The following GPRC5A variants were observed in gnomAD, a reference collection of about 807,000 sequenced individuals.
The protein encoded by GPRC5A is retinoic acid-induced protein 3.
In GPRC5A, 19 loss-of-function variants were observed where a neutral mutation model predicts 22.5. The ratio of observed to expected loss-of-function variants is 0.85; its 90% CI spans 0.59 to 1.24. The LOEUF is 1.24. Among genes scored for constraint, GPRC5A ranks in the 50% most tolerant of loss-of-function variants. The pLI, the probability that GPRC5A is intolerant of heterozygous loss-of-function variation, is 0.00. For synonymous variants in GPRC5A, 192 were observed against 184.5 expected (o/e 1.04, Z -0.33); for missense variants, 471 against 451.1 (o/e 1.04, Z -0.40).
Position 12,908,786 on chromosome 12 carries a change from C to T in GPRC5A, c.537C>T (p.Leu179=), listed in dbSNP as rs1461304333. ...CTCGTCGCAATGAAGACTTTGTCCTCCTGCTCACCTACGTCCTCTTCTTGA... is the reference window on the plus strand; with the variant it reads ...CTCGTCGCAATGAAGACTTTGTCCTTCTGCTCACCTACGTCCTCTTCTTGA... ...SAPRRNEDFV[L]LLTYVLFLMA... Residue 179 remains leucine, a synonymous_variant, in exon 2 of 4, where the codon CTC becomes CTT. Transcript: ENST00000014914. 6.2e-7 allele frequency: 1 copy of T among 1,614,220 alleles called. No individual in the cohort carries two copies. The highest frequency in any genetic ancestry group is 2.2e-5 in the East Asian group (1 of 44,878).
At chr12:12,901,154 G>T (rs907190409) in intron 1 of GPRC5A, among the ~76,000 whole-genome samples, 3 of 152,090 alleles carry the variant, frequency 2.0e-5, no homozygotes, top group Non-Finnish European at 4.4e-5. Flanking sequence ...AAGGCCAGAG[G>T]CTACTCATGC....
rs1373877669 is a variant in GPRC5A, at chr12:12,914,664, G to A, written c.*2125G>A. 1 of 150,100 alleles carries A rather than the reference G, an allele frequency of 6.7e-6. No individual in the cohort carries two copies. Among genetic ancestry groups the A allele is most frequent in the Non-Finnish European group, 1.5e-5 (1 of 67,880 alleles). 9.3% of individuals were successfully genotyped at this position (150,100 alleles called of 1,614,324 possible). A position where few individuals can be genotyped will look rare whatever the true frequency, so the allele number is the denominator to read the frequency against. On this transcript the variant is annotated 3_prime_UTR_variant, in exon 4 of 4. Coordinates refer to ENST00000014914, the MANE Select transcript of GPRC5A (RefSeq NM_003979.4). ...AGAGTCTCACTCTGTCATCCAGGCT[G>A]GAGTGCAGTGGCATGATCTCAGCTC...
At chr12:12,893,454 G>A (rs1863785928) in intron 1 of GPRC5A, among the ~76,000 whole-genome samples, 1 of 152,210 alleles carries the variant, frequency 6.6e-6, no homozygotes, top group Non-Finnish European at 1.5e-5. Context: ...AAATTGAGGA[G>A]TATTTTTGCT....
chr12:12,908,124 T>C, intron 1 of GPRC5A, 119 bp from the exon 2 acceptor site: 1 of 663,778 alleles, frequency 1.5e-6, no homozygotes, highest in South Asian at 2.1e-5. Context: ...AAGCTCAAAG[T>C]CAAAACCCTG....
rs907947918 is a variant in GPRC5A, at chr12:12,916,823, C to G, written c.*4284C>G. 6.6e-6 allele frequency: 1 copy of G among 152,264 alleles called. No individual in the cohort carries two copies. Among genetic ancestry groups the G allele is most frequent in the South Asian group, 2.1e-4 (1 of 4,826 alleles). 9.4% of individuals were successfully genotyped at this position (152,264 alleles called of 1,614,324 possible). ...AAGAGTACGGCCGGCCCTGGAAATG[C>G]ATCAGCAAAACCCATTTCCCCCGTG... On this transcript the variant is annotated 3_prime_UTR_variant, in exon 4 of 4. Transcript: ENST00000014914.
chr12:12,912,150 A>AT lies in GPRC5A; in HGVS notation c.981+15dup, dbSNP rs769011846. On this transcript the variant is annotated intron_variant, in intron 3 of 3. Transcript: ENST00000014914. ...ACACATTTTCAGCTGCAGGTAAGTGATTTTTTTCTCCCTCTTCATCAAAGG... is the reference window on the plus strand; with the variant it reads ...ACACATTTTCAGCTGCAGGTAAGTGATTTTTTTTCTCCCTCTTCATCAAAGG... 19 of 1,596,852 alleles carry AT rather than the reference A, an allele frequency of 1.2e-5. No individual in the cohort carries two copies. The South Asian group carries it at 1.3e-4, about 11-fold the overall frequency.
In GPRC5A at chr12:12,894,821, C is replaced by T. The variant is rs546054307; in HGVS notation, c.-8+3157C>T. On this transcript the variant is annotated intron_variant, in intron 1 of 3. Coordinates refer to ENST00000014914, the MANE Select transcript of GPRC5A (RefSeq NM_003979.4). ...TGAGACAGAGTCTCGCTCTGTCACCCAGGCTGGGGTGCAGTGGTGCGATCA... is the reference window on the plus strand; with the variant it reads ...TGAGACAGAGTCTCGCTCTGTCACCTAGGCTGGGGTGCAGTGGTGCGATCA... Among the ~76,000 whole-genome samples the T allele has an allele frequency of 2.0e-3, 260 of 131,436 alleles. 1 individual carries two copies. The highest frequency in any genetic ancestry group is 6.8e-3 in the African/African-American group (246 of 36,128). 86.2% of individuals were successfully genotyped at this position (131,436 alleles called of 152,430 possible).
chr12:12,908,108 T>C, intron 1 of GPRC5A, 135 bp from the exon 2 acceptor site: 1 of 599,402 alleles, frequency 1.7e-6, no homozygotes, highest in South Asian at 2.3e-5. Context: ...CTTTACTTAA[T>C]GTAGTAAGCT....
At position 12,909,141 on chromosome 12, in the gene GPRC5A, A is replaced by G. The variant is rs1395000736; in HGVS notation, c.892A>G (p.Arg298Gly). ...GAAGAAGAGCTATGGTGTGGAGAACAGAGCCTACTCTCAAGAGGAAATCAC... is the reference window on the plus strand; with the variant it reads ...GAAGAAGAGCTATGGTGTGGAGAACGGAGCCTACTCTCAAGAGGAAATCAC... ...LVKKSYGVEN[R>G]AYSQEEITQG... The change falls in exon 2 of 4, where the codon AGA becomes GGA. Residue 298 changes from arginine to glycine, a missense_variant. Arg to Gly is a moderately radical substitution (Grantham distance 125). Transcript: ENST00000014914. 2 of 1,596,760 alleles carry G rather than the reference A, an allele frequency of 1.3e-6. No individual in the cohort carries two copies. The highest frequency in any genetic ancestry group is 2.2e-5 in the East Asian group (1 of 44,852).
At position 12,907,400 on chromosome 12, in the gene GPRC5A, C is replaced by CAAAAAAA. The variant is rs567033664; in HGVS notation, c.-7-834_-7-828dup. Reference sequence around the variant, plus strand: ...TGGGCGACAGAGCGAGACTCTGTCTCAAAAAAAAAAAAAAAGAGAGAGAAA... The same window carrying CAAAAAAA: ...TGGGCGACAGAGCGAGACTCTGTCTCAAAAAAAAAAAAAAAAAAAAAAGAGAGAGAAA... On this transcript the variant is annotated intron_variant, in intron 1 of 3. Coordinates refer to ENST00000014914, the MANE Select transcript of GPRC5A (RefSeq NM_003979.4). Among the ~76,000 whole-genome samples the CAAAAAAA allele has an allele frequency of 1.5e-3, 139 of 90,156 alleles. 6 individuals are homozygous for CAAAAAAA. The highest frequency in any genetic ancestry group is 4.8e-3 in the African/African-American group (113 of 23,374). 59.1% of individuals were successfully genotyped at this position (90,156 alleles called of 152,430 possible). A position where few individuals can be genotyped will look rare whatever the true frequency, so the allele number is the denominator to read the frequency against.
rs1035929586 is a variant in GPRC5A at position 12,914,509 on chromosome 12, C to A, written c.*1970C>A. On this transcript the variant is annotated 3_prime_UTR_variant, in exon 4 of 4. Coordinates refer to ENST00000014914, the MANE Select transcript of GPRC5A (RefSeq NM_003979.4). ...TAGGGACTCAAGAAATGCATATTCCCCCCCCACTTTCTTTCTCTCTTTCCT... is the reference window on the plus strand; with the variant it reads ...TAGGGACTCAAGAAATGCATATTCCACCCCCACTTTCTTTCTCTCTTTCCT... 3 of 151,058 alleles carry A rather than the reference C, an allele frequency of 2.0e-5. No homozygotes were observed. The highest frequency in any genetic ancestry group is 4.9e-5 in the African/African-American group (2 of 41,062). The allele number at this position is 151,058 out of a possible 1,614,324, so 9.4% of individuals were successfully genotyped here.
chr12:12,911,980 CA>C (rs1864009926), intron 2 of GPRC5A, 103 bp from the exon 3 acceptor site: 1 of 726,752 alleles, frequency 1.4e-6, no homozygotes, highest in Admixed American at 2.2e-5. Context: ...GCTGGAGAGA[CA>C]GGCAATTAAA....
At chr12:12,912,392 T>G (rs1864014300) in intron 3 of GPRC5A, 55 bp from the exon 4 acceptor site, 1 of 1,149,874 alleles carries the variant, frequency 8.7e-7, no homozygotes, top group Admixed American at 1.7e-5. Context: ...ACTGGAGACC[T>G]GTTGAAATGG....
chr12:12,898,549 A>G (rs1863847636), intron 1 of GPRC5A, among the ~76,000 whole-genome samples: 1 of 152,062 alleles, frequency 6.6e-6, no homozygotes, highest in Non-Finnish European at 1.5e-5. Flanking sequence ...AAAAAAAAAG[A>G]AAAAAGAAAG....
At position 12,914,514 on chromosome 12, in the gene GPRC5A, C is replaced by A. The variant is rs113165777; in HGVS notation, c.*1975C>A. On this transcript the variant is annotated 3_prime_UTR_variant, in exon 4 of 4. Coordinates refer to ENST00000014914, the MANE Select transcript of GPRC5A (RefSeq NM_003979.4). ...ACTCAAGAAATGCATATTCCCCCCC[C>A]ACTTTCTTTCTCTCTTTCCTTCCTT... is the stretch of plus-strand genomic sequence containing the variant. 2 of 150,960 alleles carry A rather than the reference C, an allele frequency of 1.3e-5. No homozygotes were observed. Among genetic ancestry groups the A allele is most frequent in the South Asian group, 2.1e-4 (1 of 4,752 alleles). 9.4% of individuals were successfully genotyped at this position (150,960 alleles called of 1,614,324 possible).
chr12:12,917,386 C>G lies in GPRC5A; in HGVS notation c.*4847C>G, dbSNP rs963318927. On this transcript the variant is annotated 3_prime_UTR_variant, in exon 4 of 4. Coordinates refer to ENST00000014914, the MANE Select transcript of GPRC5A (RefSeq NM_003979.4). ...GGTCACAGAAATCCTCTAGTTGGTG[C>G]CTCCACAGTCTTCATTTTACAGAGG... 3.3e-5 allele frequency: 5 copies of G among 152,074 alleles called. No homozygotes were observed. The highest frequency in any genetic ancestry group is 7.3e-5 in the Non-Finnish European group (5 of 68,034). 9.4% of individuals were successfully genotyped at this position (152,074 alleles called of 1,614,324 possible).
chr12:12,896,405 G>C (rs1270071190), intron 1 of GPRC5A, among the ~76,000 whole-genome samples: 1 of 152,168 alleles, frequency 6.6e-6, no homozygotes, highest in African/African-American at 2.4e-5. Flanking sequence ...TCAGAGTTGG[G>C]ATGGCTACCC....
intron 1 of GPRC5A, among the ~76,000 whole-genome samples, chr12:12,903,128 G>A (rs1863907050): frequency 6.6e-6 from 1 of 152,142 alleles, no homozygotes; most frequent in African/African-American, 2.4e-5. Context: ...ATTACATGAT[G>A]TCTGAGACTT....
chr12:12,892,999 C>G (rs192258594), intron 1 of GPRC5A, among the ~76,000 whole-genome samples: 1 of 152,118 alleles, frequency 6.6e-6, no homozygotes, highest in African/African-American at 2.4e-5. Flanking sequence ...CCGGGAGAGG[C>G]GCTACGTGGG....
Sources: gnomAD v4.1 joint callset for allele counts (sites outside exome capture counted in the v4.1 genomes callset) on GRCh38, gnomAD v4.1.1 for gene constraint, MANE v1.5 for transcripts, NCBI Gene and HGNC (gene_info 2026-07-23, HGNC 2026-07-21) for gene names.